TCF4: variants seen among roughly 807,000 people sequenced by gnomAD.
The protein encoded by TCF4 is transcription factor 4.
TCF4 carries 3 observed loss-of-function variants against 82.1 expected under a neutral mutation model. The observed-to-expected ratio is 0.04, with a 90% confidence interval of 0.02 to 0.09. The LOEUF (loss-of-function observed/expected upper bound fraction) is 0.09, where lower values mean the gene tolerates loss of function less well. Among genes scored for constraint, TCF4 ranks in the 10% least tolerant of loss-of-function variants. TCF4 has a pLI of 1.00. For synonymous variants in TCF4, 276 were observed against 309.6 expected (o/e 0.89, Z 1.14); for missense variants, 518 against 852.7 (o/e 0.61, Z 4.89).
At chr18:55,312,610 A>G (rs1244592705) in intron 8 of TCF4, among the ~76,000 whole-genome samples, 1 of 152,174 alleles carries the variant, frequency 6.6e-6, no homozygotes, top group Non-Finnish European at 1.5e-5. Flanking sequence ...TTAATTAAGG[A>G]AACTGAATCC....
chr18:55,505,141 C>A (rs1683116746), intron 3 of TCF4, among the ~76,000 whole-genome samples: 1 of 152,142 alleles, frequency 6.6e-6, no homozygotes, highest in South Asian at 2.1e-4. Context: ...CAAAACACAG[C>A]AGATGGTAAC....
intron 3 of TCF4, among the ~76,000 whole-genome samples, chr18:55,547,736 T>C (rs1225823508): frequency 6.6e-6 from 1 of 152,216 alleles, no homozygotes; most frequent in Non-Finnish European, 1.5e-5. Context: ...TTCAGCCAAA[T>C]AGGCTGACTG....
chr18:55,512,073 A>G (rs1210950826), intron 3 of TCF4, among the ~76,000 whole-genome samples: 3 of 152,160 alleles, frequency 2.0e-5, no homozygotes, highest in Non-Finnish European at 4.4e-5. Flanking sequence ...ACAACCAGAT[A>G]CTATGTCGAC....
intron 2 of TCF4, among the ~76,000 whole-genome samples, chr18:55,593,831 A>G (rs2097688172): frequency 6.6e-6 from 1 of 152,154 alleles, no homozygotes; most frequent in Admixed American, 6.5e-5. Flanking sequence ...GCAAAAATGT[A>G]GGAAAAAAAA....
chr18:55,523,170 T>A (rs773123902), intron 3 of TCF4, among the ~76,000 whole-genome samples: 1 of 151,994 alleles, frequency 6.6e-6, no homozygotes, highest in East Asian at 1.9e-4. Context: ...ACAGAGAATA[T>A]TACATTATCA....
At chr18:55,566,469 C>G (rs2097407975) in intron 3 of TCF4, among the ~76,000 whole-genome samples, 1 of 151,686 alleles carries the variant, frequency 6.6e-6, no homozygotes, top group Non-Finnish European at 1.5e-5. Context: ...GTCATAAATA[C>G]AAGAAGAACT....
chr18:55,552,462 A>C (rs2097268198), intron 3 of TCF4, among the ~76,000 whole-genome samples: 1 of 152,216 alleles, frequency 6.6e-6, no homozygotes, highest in African/African-American at 2.4e-5. Context: ...ACTTGTGACC[A>C]ATTTTTTCAA....
intron 2 of TCF4, among the ~76,000 whole-genome samples, chr18:55,629,705 C>T (rs1331521753): frequency 2.0e-5 from 3 of 152,070 alleles, no homozygotes; most frequent in African/African-American, 4.8e-5. Flanking sequence ...AGCTGTTCTT[C>T]GTAGAAGTAC....
chr18:55,477,144 T>C (rs1329145015), intron 3 of TCF4, among the ~76,000 whole-genome samples: 1 of 152,244 alleles, frequency 6.6e-6, no homozygotes, highest in Non-Finnish European at 1.5e-5. Flanking sequence ...AATTTTTAAT[T>C]ATGCTTTCTG....
intron 5 of TCF4, among the ~76,000 whole-genome samples, chr18:55,441,477 C>T (rs1159272225): frequency 6.6e-6 from 1 of 152,128 alleles, no homozygotes; most frequent in South Asian, 2.1e-4. Flanking sequence ...TGATTATGTC[C>T]ATGTTCTGGC....
At chr18:55,608,273 G>A (rs763909779) in intron 2 of TCF4, among the ~76,000 whole-genome samples, 4 of 151,492 alleles carry the variant, frequency 2.6e-5, no homozygotes, top group Non-Finnish European at 4.4e-5. Flanking sequence ...AAACAGTCAC[G>A]TTAAATGGTC....
intron 6 of TCF4, chr18:55,401,094 T>C (rs1292281117): frequency 2.3e-6 from 3 of 1,288,970 alleles, no homozygotes; most frequent in South Asian, 1.2e-5. Context: ...TTGGTTTGCA[T>C]AGCTGATGTT....
intron 6 of TCF4, among the ~76,000 whole-genome samples, chr18:55,383,151 G>A (rs184170020): frequency 7.0e-4 from 107 of 152,162 alleles, no homozygotes; most frequent in Admixed American, 2.5e-3. Flanking sequence ...GCTACCTTTC[G>A]CCAATACTAT....
intron 8 of TCF4, among the ~76,000 whole-genome samples, chr18:55,345,599 G>A (rs2081013577): frequency 6.6e-6 from 1 of 152,120 alleles, no homozygotes; most frequent in East Asian, 1.9e-4. Flanking sequence ...AGTGAATACT[G>A]AGAGCTATCT....
At chr18:55,420,410 T>C (rs1434555459) in intron 5 of TCF4, among the ~76,000 whole-genome samples, 4 of 152,142 alleles carry the variant, frequency 2.6e-5, no homozygotes, top group Non-Finnish European at 4.4e-5. Flanking sequence ...CCTTCCACAC[T>C]CTACTCCAAA....
chr18:55,508,424 G>A (rs1297402956), intron 3 of TCF4, among the ~76,000 whole-genome samples: 1 of 152,130 alleles, frequency 6.6e-6, no homozygotes, highest in African/African-American at 2.4e-5. Flanking sequence ...TTTCTAACAA[G>A]AACTGAGAAA....
chr18:55,577,252 A>G (rs923944887), intron 3 of TCF4, among the ~76,000 whole-genome samples: 2 of 146,946 alleles, frequency 1.4e-5, no homozygotes, highest in African/African-American at 4.9e-5. Flanking sequence ...ATGTATATAC[A>G]TATTTATACA....
chr18:55,355,624 G>T (rs1209320067), intron 6 of TCF4, among the ~76,000 whole-genome samples: 1 of 152,086 alleles, frequency 6.6e-6, no homozygotes, highest in Non-Finnish European at 1.5e-5. Context: ...TCAGTCTTTG[G>T]ACAGTCTTCT....
intron 3 of TCF4, among the ~76,000 whole-genome samples, chr18:55,559,422 C>T (rs537777854): frequency 6.8e-4 from 104 of 152,034 alleles, no homozygotes; most frequent in African/African-American, 2.4e-3. Flanking sequence ...CTTATAAACA[C>T]GGATACTTAA....
Sources: gnomAD v4.1 joint callset for allele counts (sites outside exome capture counted in the v4.1 genomes callset) on GRCh38, gnomAD v4.1.1 for gene constraint, MANE v1.5 for transcripts, NCBI Gene and HGNC (gene_info 2026-07-23, HGNC 2026-07-21) for gene names.